USP25: variants seen among roughly 807,000 people sequenced by gnomAD.
The protein encoded by USP25 is ubiquitin specific peptidase 25.
Under a neutral mutation model 158.5 loss-of-function variants are expected in USP25, and 85 were observed. That is an observed-to-expected ratio of 0.54 (90% CI 0.45 to 0.64). The LOEUF is 0.64. Ranked by LOEUF, USP25 falls within the 30% of genes least tolerant of loss-of-function variation. The probability of loss-of-function intolerance (pLI) is 0.00; values close to 1 mark genes in which losing one functional copy is unlikely to be tolerated. For missense variants in USP25, 1,242 were observed against 1,327.3 expected, an observed-to-expected ratio of 0.94 and a Z score of 1.00; for synonymous variants, 464 against 460.4, an observed-to-expected ratio of 1.01 and a Z score of -0.10.
intron 24 of USP25, chr21:15,876,086 C>G (rs1298945797): frequency 3.9e-5 from 6 of 152,072 alleles, no homozygotes; most frequent in Admixed American, 3.9e-4. Context: ...TCAAAGCTGC[C>G]AAACTTACTA....
intron 3 of USP25, among the ~76,000 whole-genome samples, chr21:15,775,144 T>A (rs2034563918): frequency 6.6e-6 from 1 of 152,220 alleles, no homozygotes; most frequent in Non-Finnish European, 1.5e-5. Flanking sequence ...TTCAGTGATT[T>A]CATTTATAAA....
At position 15,785,919 on chromosome 21, in the gene USP25, GA is replaced by G. The variant is rs939301812; in HGVS notation, c.393-5572del. Among the ~76,000 whole-genome samples, 717 of 132,886 alleles carry G rather than the reference GA, an allele frequency of 5.4e-3. 2 individuals carry two copies. The highest frequency in any genetic ancestry group is 0.014 in the African/African-American group (505 of 36,412). The allele number at this position is 132,886 out of a possible 152,430, so 87.2% of individuals were successfully genotyped here. ...ACCTTTAGCTAGACTAAGAAAAAAG[GA>G]AAAAAAAAAAGACTCGAATAAATAA... On this transcript the variant is annotated intron_variant, in intron 4 of 25. Transcript: ENST00000400183.
intron 15 of USP25, 102 bp from the exon 16 acceptor site, chr21:15,831,299 C>A: frequency 9.6e-7 from 1 of 1,045,972 alleles, no homozygotes; most frequent in Non-Finnish European, 1.4e-6. Flanking sequence ...AAAAAAAATG[C>A]TCTTATGGTT....
intron 20 of USP25, among the ~76,000 whole-genome samples, chr21:15,856,043 GT>G (rs754327339): frequency 1.4e-4 from 22 of 152,088 alleles, no homozygotes; most frequent in Non-Finnish European, 1.0e-4. Context: ...CTATCCTTCT[GT>G]TGATGGACAT....
chr21:15,754,630 GAA>G (rs2033257146), intron 1 of USP25, among the ~76,000 whole-genome samples: 2 of 152,300 alleles, frequency 1.3e-5, no homozygotes, highest in Admixed American at 1.3e-4. Context: ...GACCCTGAAT[GAA>G]AGAGAGGGAA....
At chr21:15,819,840 A>G (rs569022393) in intron 10 of USP25, among the ~76,000 whole-genome samples, 19 of 147,508 alleles carry the variant, frequency 1.3e-4, no homozygotes, top group East Asian at 9.8e-4. Context: ...TTTCAAGTGC[A>G]TACTCATTTT....
intron 1 of USP25, among the ~76,000 whole-genome samples, chr21:15,734,788 A>ATT (rs201859610): frequency 0.018 from 2,767 of 152,246 alleles, 69 homozygotes; most frequent in African/African-American, 0.063. Context: ...TCAAAACTAG[A>ATT]TTTAGATGTT....
intron 1 of USP25, among the ~76,000 whole-genome samples, chr21:15,754,711 G>A (rs1449403930): frequency 6.6e-6 from 1 of 152,142 alleles, no homozygotes; most frequent in Admixed American, 6.5e-5. Context: ...AGCATGCAGA[G>A]GTCCTTTAAG....
At chr21:15,764,208 A>G (rs1003508657) in intron 2 of USP25, among the ~76,000 whole-genome samples, 3 of 152,052 alleles carry the variant, frequency 2.0e-5, no homozygotes, top group African/African-American at 7.2e-5. Flanking sequence ...TCTGATAAAT[A>G]TCATTACTAA....
chr21:15,841,619 C>T (rs2038339015), intron 17 of USP25, among the ~76,000 whole-genome samples: 1 of 152,122 alleles, frequency 6.6e-6, no homozygotes, highest in African/African-American at 2.4e-5. Context: ...GCTCACATCA[C>T]TTCACTGCCA....
chr21:15,853,280 T>TA (rs2038972540), intron 20 of USP25, among the ~76,000 whole-genome samples: 1 of 151,316 alleles, frequency 6.6e-6, no homozygotes. Flanking sequence ...TATACACACA[T>TA]ACACATGTGT....
intron 1 of USP25, among the ~76,000 whole-genome samples, chr21:15,758,112 C>T (rs894011862): frequency 3.3e-5 from 5 of 152,190 alleles, no homozygotes; most frequent in Admixed American, 6.5e-5. Flanking sequence ...GACCTTAACC[C>T]AGACCCTCTG....
In USP25 at chr21:15,813,394, TG is replaced by T. The variant is rs1329073994; in HGVS notation, c.931+2185del. Among the ~76,000 whole-genome samples the T allele has an allele frequency of 3.3e-5, 5 of 152,372 alleles. No homozygotes were observed. In the East Asian group the frequency reaches 9.6e-4, roughly 29 times the overall value. ...GAATCTAATTTTACATTTGTAGTTT[TG>T]TATCATATTCTAAAAACACAACATT... On this transcript the variant is annotated intron_variant, in intron 9 of 25. Coordinates refer to ENST00000400183, the MANE Select transcript of USP25 (RefSeq NM_001283041.3).
intron 23 of USP25, 56 bp downstream of exon 23, chr21:15,870,203 C>G (rs1204834784): frequency 4.3e-6 from 5 of 1,166,690 alleles, no homozygotes; most frequent in Non-Finnish European, 6.2e-6. Flanking sequence ...TAATTCTATT[C>G]AGGTGTGACC....
At chr21:15,732,367 C>T (rs2031001275) in intron 1 of USP25, among the ~76,000 whole-genome samples, 1 of 152,150 alleles carries the variant, frequency 6.6e-6, no homozygotes, top group Non-Finnish European at 1.5e-5. Flanking sequence ...TACTTTGTTA[C>T]TCATATTAGA....
intron 10 of USP25, among the ~76,000 whole-genome samples, chr21:15,821,070 T>C (rs2037209621): frequency 6.6e-6 from 1 of 152,002 alleles, no homozygotes. Context: ...TATTTTTTGA[T>C]TGTCTGTTGG....
chr21:15,799,879 A>T, intron 6 of USP25, 36 bp downstream of exon 6: 9 of 1,429,894 alleles, frequency 6.3e-6, no homozygotes, highest in Admixed American at 2.0e-5. Flanking sequence ...CAGTATATAT[A>T]CTCTATATGT....
chr21:15,784,147 C>T lies in USP25; in HGVS notation c.392+6120C>T, dbSNP rs571481193. Among the ~76,000 whole-genome samples, 7 of 152,242 alleles carry T rather than the reference C, an allele frequency of 4.6e-5. No individual in the cohort carries two copies. The South Asian group carries it at 1.5e-3, about 32-fold the overall frequency. On this transcript the variant is annotated intron_variant, in intron 4 of 25. Coordinates refer to ENST00000400183, the MANE Select transcript of USP25 (RefSeq NM_001283041.3). ...CAAAACTCATCAATATAGGTAAATC[C>T]ATAATCATATTCAGAATACCCCAGT... is the stretch of plus-strand genomic sequence containing the variant.
chr21:15,839,102 C>A (rs1054278629), intron 17 of USP25, among the ~76,000 whole-genome samples: 1 of 152,106 alleles, frequency 6.6e-6, no homozygotes, highest in Non-Finnish European at 1.5e-5. Flanking sequence ...ATATTATTTA[C>A]CTCCATAGAG....
Sources: allele counts gnomAD v4.1 joint callset (sites outside exome capture counted in the v4.1 genomes callset), GRCh38; gene constraint gnomAD v4.1.1; transcripts MANE v1.5; gene names NCBI Gene and HGNC (gene_info 2026-07-23, HGNC 2026-07-21).